DOP1A: variants seen among roughly 807,000 people sequenced by gnomAD.
The protein encoded by DOP1A is DOP1 leucine zipper like protein A, also known as protein DOP1A.
In DOP1A, 90 loss-of-function variants were observed where a neutral mutation model predicts 267.6. That is an observed-to-expected ratio of 0.34 (90% CI 0.28 to 0.40). The LOEUF (loss-of-function observed/expected upper bound fraction) is 0.40. Among genes scored for constraint, DOP1A ranks in the 10% least tolerant of loss-of-function variants. The pLI is 1.00. For synonymous variants in DOP1A, 932 were observed against 999.1 expected (o/e 0.93, Z 1.27); for missense variants, 2,437 against 2,900.4 (o/e 0.84, Z 3.67).
At chr6:83,167,604 C>T in intron 38 of DOP1A, 4 of 1,171,204 alleles carry the variant, frequency 3.4e-6, no homozygotes, top group Non-Finnish European at 4.2e-6. Flanking sequence ...CTGTTCAAAG[C>T]TATTTCTGTT....
At chr6:83,078,795 A>G (rs533058005) in intron 1 of DOP1A, among the ~76,000 whole-genome samples, 1 of 152,162 alleles carries the variant, frequency 6.6e-6, no homozygotes, top group Admixed American at 6.5e-5. Context: ...GCAATACCTT[A>G]TTTTGGTTCT....
rs1474501530 is a variant in DOP1A at position 83,168,373 on chromosome 6, GCCT to G, written c.*207_*209del. The G allele has an allele frequency of 4.2e-5, 57 of 1,372,048 alleles. No individual in the cohort carries two copies. The South Asian group carries it at 8.8e-4, about 21-fold the overall frequency. The allele number at this position is 1,372,048 out of a possible 1,614,324, so 85.0% of individuals were successfully genotyped here. A position where few individuals can be genotyped will look rare whatever the true frequency, so the allele number is the denominator to read the frequency against. On this transcript the variant is annotated 3_prime_UTR_variant, in exon 39 of 39. Transcript: ENST00000349129. ...ATTGTTGGCTCATACTGATTATGGT[GCCT>G]AAGAGAGCTATATATATACACATGT...
chr6:83,151,699 G>A (rs1781713486), intron 28 of DOP1A, 40 bp downstream of exon 28: 1 of 1,558,104 alleles, frequency 6.4e-7, no homozygotes, highest in Non-Finnish European at 8.7e-7. Flanking sequence ...CTGTTTCTCA[G>A]TGCCCTCAAT....
Position 83,093,833 on chromosome 6 carries a change from G to A in DOP1A, c.-146-2898G>A, listed in dbSNP as rs1235564398. On this transcript the variant is annotated intron_variant, in intron 1 of 38. Transcript: ENST00000349129. ...AAGCAGGAGAATCGCTTGAGCCCAG[G>A]AGGCGGAGATTGCAGTGAGCCGAGA... 2.0e-5 allele frequency among the ~76,000 whole-genome samples: 3 copies of A among 152,220 alleles called. No individual in the cohort carries two copies. The East Asian group carries it at 5.8e-4, about 29-fold the overall frequency.
intron 15 of DOP1A, among the ~76,000 whole-genome samples, 191 bp from the exon 16 acceptor site, chr6:83,128,696 T>C (rs946721189): frequency 7.9e-5 from 12 of 152,300 alleles, no homozygotes; most frequent in African/African-American, 2.9e-4. Context: ...TCTAACCTTA[T>C]GTATGCTGTG....
chr6:83,138,489 C>G lies in DOP1A; in HGVS notation c.4447C>G (p.Arg1483Gly). 1 of 1,613,312 alleles carries G rather than the reference C, an allele frequency of 6.2e-7. No individual in the cohort carries two copies. Among genetic ancestry groups the G allele is most frequent in the Non-Finnish European group, 8.5e-7 (1 of 1,179,922 alleles). Reference sequence around the variant, plus strand: ...TACTGCACAAGATTTAATAGGCAATCGAAACATGCAAATGATGAGCATAGA... The same window carrying G: ...TACTGCACAAGATTTAATAGGCAATGGAAACATGCAAATGATGAGCATAGA... ...KVTAQDLIGN[R>G]NMQMMSIEIL... is the part of the protein sequence containing the mutation. Residue 1483 changes from arginine (R) to glycine (G), a missense_variant, in exon 21 of 39, where the codon CGA (arginine) becomes GGA (glycine). Arg to Gly is a moderately radical substitution (Grantham distance 125). This residue lies in a region of DOP1A where 878 missense variants were observed against 992.9 expected (regional missense o/e 0.88). Transcript: ENST00000349129.
At chr6:83,079,102 T>G (rs1016717986) in intron 1 of DOP1A, among the ~76,000 whole-genome samples, 16 of 152,358 alleles carry the variant, frequency 1.1e-4, no homozygotes, top group African/African-American at 3.8e-4. Flanking sequence ...GCAAGGCTAC[T>G]TTCTGTCACC....
chr6:83,089,852 G>T (rs568939059), intron 1 of DOP1A, among the ~76,000 whole-genome samples: 1 of 152,172 alleles, frequency 6.6e-6, no homozygotes, highest in Admixed American at 6.5e-5. Flanking sequence ...CTGTAGTGAA[G>T]AATCTTGATT....
In DOP1A at chr6:83,137,163, C is replaced by A; in HGVS notation, c.3131-10C>A. On this transcript the variant is annotated splice_polypyrimidine_tract_variant and intron_variant, in intron 20 of 38. Coordinates refer to ENST00000349129, the MANE Select transcript of DOP1A (RefSeq NM_015018.4). ...ATTTTTCTTCTTTTACTGTTTTTCTCATATATCAGTGAGCCAAGTACAACT... is the reference window on the plus strand; with the variant it reads ...ATTTTTCTTCTTTTACTGTTTTTCTAATATATCAGTGAGCCAAGTACAACT... 1 of 1,518,726 alleles carries A rather than the reference C, an allele frequency of 6.6e-7. No individual in the cohort carries two copies. 94.1% of individuals were successfully genotyped at this position (1,518,726 alleles called of 1,614,324 possible). A position where few individuals can be genotyped will look rare whatever the true frequency, so the allele number is the denominator to read the frequency against.
At chr6:83,170,306 T>A (rs774938988), downstream of DOP1A, 1 of 1,614,004 alleles carries the variant, frequency 6.2e-7, no homozygotes, top group Non-Finnish European at 8.5e-7. Context: ...CCAGCTTACT[T>A]GTGAGTCTGC....
At chr6:83,100,431 T>C (rs1442725651) in intron 3 of DOP1A, among the ~76,000 whole-genome samples, 1 of 152,160 alleles carries the variant, frequency 6.6e-6, no homozygotes, top group Non-Finnish European at 1.5e-5. Context: ...AAATCTAAAA[T>C]ACCTCTCTTC....
At chr6:83,111,889 C>A (rs1774616352) in intron 6 of DOP1A, among the ~76,000 whole-genome samples, 1 of 152,082 alleles carries the variant, frequency 6.6e-6, no homozygotes, top group Admixed American at 6.6e-5. Flanking sequence ...TCCAGTTCAT[C>A]CGGACTTGAT....
chr6:83,090,079 T>G (rs1311809314), intron 1 of DOP1A, among the ~76,000 whole-genome samples: 2 of 152,230 alleles, frequency 1.3e-5, no homozygotes, highest in Non-Finnish European at 2.9e-5. Flanking sequence ...TATAACTTAC[T>G]ACCCCTCTTA....
At chr6:83,162,966 G>A in intron 38 of DOP1A, 47 bp downstream of exon 38, 1 of 1,556,588 alleles carries the variant, frequency 6.4e-7, no homozygotes, top group Non-Finnish European at 8.7e-7. Context: ...ACTACATGTT[G>A]CATTAGTGAG....
intron 1 of DOP1A, among the ~76,000 whole-genome samples, chr6:83,074,322 G>T (rs187484725): frequency 6.6e-6 from 1 of 152,132 alleles, no homozygotes; most frequent in East Asian, 1.9e-4. Flanking sequence ...TATTTATTAT[G>T]AGATGAAAGG....
intron 1 of DOP1A, among the ~76,000 whole-genome samples, chr6:83,094,943 A>T (rs927577565): frequency 6.6e-6 from 1 of 151,100 alleles, no homozygotes. Context: ...TATTTTGTTT[A>T]TTTTTTTGAG....
rs771539938 is a variant in DOP1A, at chr6:83,168,118, T to C, written c.7349T>C (p.Ile2450Thr). ...KPCSSKARQK[I>T]EEMVEKDFLE... ...TGTTCCAGCAAAGCCAGGCAAAAAA[T>C]AGAAGAGATGGTAGAAAAAGATTTT... is the stretch of plus-strand genomic sequence containing the variant. The change falls in exon 39 of 39, where the codon ATA (isoleucine) becomes ACA (threonine). Residue 2450 changes from isoleucine (I) to threonine (T), a missense_variant. By Grantham distance (89) the Ile-to-Thr change is moderately conservative. Around this residue, in one of 9 missense-constraint regions of DOP1A, gnomAD observed 197 missense variants for 246.5 expected, o/e 0.80. Transcript: ENST00000349129. 10 of 1,613,688 alleles carry C rather than the reference T, an allele frequency of 6.2e-6. No individual in the cohort carries two copies. In the Middle Eastern group the frequency reaches 6.6e-4, roughly 106 times the overall value.
chr6:83,116,122 G>A (rs1409319265), intron 7 of DOP1A, among the ~76,000 whole-genome samples: 3 of 152,156 alleles, frequency 2.0e-5, no homozygotes, highest in South Asian at 2.1e-4. Context: ...TTGGAAAATC[G>A]AGGAGTATTT....
intron 34 of DOP1A, among the ~76,000 whole-genome samples, chr6:83,156,333 A>T (rs770848506): frequency 5.3e-5 from 8 of 152,164 alleles, no homozygotes; most frequent in Non-Finnish European, 1.0e-4. Flanking sequence ...GTTTAGTTCA[A>T]ATTTCTTAGG....
Sources: allele counts gnomAD v4.1 joint callset (sites outside exome capture counted in the v4.1 genomes callset), GRCh38; gene constraint gnomAD v4.1.1; regional missense constraint gnomAD v4.1.1; transcripts MANE v1.5; gene names NCBI Gene and HGNC (gene_info 2026-07-23, HGNC 2026-07-21).